The following LARGE2 variants were observed in gnomAD, a reference collection of about 807,000 sequenced individuals.
LARGE2 encodes LARGE xylosyl- and glucuronyltransferase 2, also known as xylosyl- and glucuronyltransferase LARGE2.
A neutral mutation model predicts 75.3 loss-of-function variants in LARGE2; 63 were observed. The observed-to-expected ratio is 0.84, with a 90% confidence interval of 0.68 to 1.03. LARGE2 has a LOEUF of 1.03. Ranked by LOEUF, LARGE2 falls within the 50% of genes least tolerant of loss-of-function variation. The probability of loss-of-function intolerance (pLI) is 0.00; values close to 1 mark genes in which losing one functional copy is unlikely to be tolerated. For missense variants in LARGE2, 925 were observed against 980.6 expected (o/e 0.94, Z 0.76); for synonymous variants, 428 against 420.1 (o/e 1.02, Z -0.23).
rs1426027064 is a variant in LARGE2 at position 45,928,704 on chromosome 11, C to T, written c.2025C>T (p.Arg675=). ...LPHAPSLDIS[R]FRSSPTYRDC... is the part of the protein sequence containing the mutation. ...ACGCTCCAAGCCTGGACATCTCCCG[C>T]TTCCGCTCCAGCCCCACCTATCGTG... Residue 675 remains arginine, a synonymous_variant, in exon 14 of 14, where the codon CGC becomes CGT. Transcript: ENST00000401752. 6.2e-7 allele frequency: 1 copy of T among 1,614,190 alleles called. No homozygotes were observed.
chr11:45,927,852 G>A, intron 11 of LARGE2, 68 bp from the exon 12 acceptor site: 1 of 1,603,408 alleles, frequency 6.2e-7, no homozygotes, highest in Non-Finnish European at 8.5e-7. Flanking sequence ...CTAATGCCCT[G>A]ATGAGTGTCA....
chr11:45,928,832 C>T lies in LARGE2; in HGVS notation c.2153C>T (p.Pro718Leu). 1 of 1,613,228 alleles carries T rather than the reference C, an allele frequency of 6.2e-7. No homozygotes were observed. Among genetic ancestry groups the T allele is most frequent in the Non-Finnish European group, 8.5e-7 (1 of 1,179,898 alleles). Residue 718 changes from proline to leucine, a missense_variant, in exon 14 of 14, where the codon CCT becomes CTT. Around this residue, in one of 3 missense-constraint regions of LARGE2, gnomAD observed 469 missense variants for 503.8 expected, o/e 0.93. Coordinates refer to ENST00000401752, the MANE Select transcript of LARGE2 (RefSeq NM_001300721.2). ...CCAGCCCTGCAGCAGCCCCAGAGCC[C>T]TGCCCGAGGCTGAGGCTGGGCCGGC... ...YLPALQQPQS[P>L]ARG
intron 3 of LARGE2, 96 bp from the exon 4 acceptor site, chr11:45,924,058 C>A: frequency 8.1e-7 from 1 of 1,238,920 alleles, no homozygotes; most frequent in Non-Finnish European, 1.1e-6. Flanking sequence ...AAGCTCTTTG[C>A]AGATGGCGCT....
At chr11:45,927,724 G>A (rs1228969778) in intron 11 of LARGE2, 131 bp downstream of exon 11, 2 of 1,457,906 alleles carry the variant, frequency 1.4e-6, no homozygotes, top group African/African-American at 2.8e-5. Context: ...GTTTGTATTA[G>A]GCTGTTTCTC....
intron 3 of LARGE2, 103 bp downstream of exon 3, chr11:45,923,658 G>A: frequency 9.6e-7 from 1 of 1,044,336 alleles, no homozygotes; most frequent in Non-Finnish European, 1.5e-6. Flanking sequence ...TGTGACGCGG[G>A]GACAGTGTCC....
At chr11:45,926,968 G>A in intron 10 of LARGE2, 97 bp downstream of exon 10, 2 of 1,256,492 alleles carry the variant, frequency 1.6e-6, no homozygotes, top group East Asian at 2.5e-5. Context: ...CTGTGGTAGT[G>A]AGCTACCTGT....
chr11:45,928,553 G>C (rs1297371332), intron 13 of LARGE2, 77 bp from the exon 14 acceptor site: 9 of 1,571,356 alleles, frequency 5.7e-6, no homozygotes, highest in Non-Finnish European at 7.8e-6. Flanking sequence ...TACAGGGTAA[G>C]CCTGTTCTCT....
chr11:45,928,758 C>G lies in LARGE2; in HGVS notation c.2079C>G (p.Phe693Leu). 1 of 1,614,126 alleles carries G rather than the reference C, an allele frequency of 6.2e-7. No individual in the cohort carries two copies. Among genetic ancestry groups the G allele is most frequent in the Non-Finnish European group, 8.5e-7 (1 of 1,180,044 alleles). Residue 693 changes from phenylalanine (F) to leucine (L), a missense_variant, in exon 14 of 14, where the codon TTC becomes TTG. Phe to Leu is a conservative substitution (Grantham distance 22). Around this residue, in one of 3 missense-constraint regions of LARGE2, gnomAD observed 469 missense variants for 503.8 expected, o/e 0.93. Transcript: ENST00000401752. ...RDCLQALKDE[F>L]HQDLSRHHGA... ...GCCTCCAGGCCCTCAAGGACGAATT[C>G]CACCAGGACTTGTCCCGCCACCATG...
chr11:45,923,072 A>G lies in LARGE2; in HGVS notation c.190A>G (p.Arg64Gly), dbSNP rs768184108. The G allele has an allele frequency of 7.1e-7, 1 of 1,414,282 alleles. No individual in the cohort carries two copies. The highest frequency in any genetic ancestry group is 1.5e-5 in the South Asian group (1 of 67,402). 87.6% of individuals were successfully genotyped at this position (1,414,282 alleles called of 1,614,324 possible). Reference sequence around the variant, plus strand: ...TGTCCCCCCAGACGGGAGGCTGCGGAGAGCCGCCGCCCTCGACGGAGACCC... The same window carrying G: ...TGTCCCCCCAGACGGGAGGCTGCGGGGAGCCGCCGCCCTCGACGGAGACCC... ...PRVPPDGRLRRAAALDGDPGA... is the reference protein window; with the variant it reads ...PRVPPDGRLRGAAALDGDPGA... The change falls in exon 2 of 14, where the codon AGA becomes GGA. Residue 64 changes from arginine to glycine, a missense_variant. Physicochemically the swap from Arg to Gly is moderately radical, Grantham distance 125. Coordinates refer to ENST00000401752, the MANE Select transcript of LARGE2 (RefSeq NM_001300721.2).
At chr11:45,926,186 G>A in intron 7 of LARGE2, 35 bp downstream of exon 7, 1 of 1,609,988 alleles carries the variant, frequency 6.2e-7, no homozygotes, top group Non-Finnish European at 8.5e-7. Flanking sequence ...GGTGTGGCAG[G>A]CTGGGGGCTG....
At chr11:45,924,322 C>T in intron 4 of LARGE2, 45 bp downstream of exon 4, 1 of 1,604,800 alleles carries the variant, frequency 6.2e-7, no homozygotes, top group Non-Finnish European at 8.5e-7. Context: ...GTGTCCACCG[C>T]TCTCCTCTCT....
intron 4 of LARGE2, 83 bp downstream of exon 4, chr11:45,924,360 AATC>A: frequency 6.3e-7 from 1 of 1,581,360 alleles, no homozygotes; most frequent in South Asian, 1.1e-5. Flanking sequence ...TGGAGAAGAG[AATC>A]ATCAGTCCCC....
chr11:45,925,541 A>G (rs915788455), intron 6 of LARGE2, among the ~76,000 whole-genome samples: 1 of 152,184 alleles, frequency 6.6e-6, no homozygotes, highest in African/African-American at 2.4e-5. Context: ...CTGTAATCCC[A>G]GCTACTTGGG....
In LARGE2 at chr11:45,924,503, C is replaced by T; in HGVS notation, c.493-3C>T. ...TCTCATCTCCTGCCTTTCCCCCACA[C>T]AGCCCCAGGTCTCCTGGATCCCCAA... On this transcript the variant is annotated splice_region_variant and splice_polypyrimidine_tract_variant and intron_variant, in intron 4 of 13. Coordinates refer to ENST00000401752, the MANE Select transcript of LARGE2 (RefSeq NM_001300721.2). The T allele has an allele frequency of 6.2e-7, 1 of 1,610,418 alleles. No homozygotes were observed. The highest frequency in any genetic ancestry group is 8.5e-7 in the Non-Finnish European group (1 of 1,177,992).
chr11:45,927,009 T>C (rs2087183702), intron 10 of LARGE2, 138 bp downstream of exon 10: 1 of 968,164 alleles, frequency 1.0e-6, no homozygotes. Context: ...TTGGAGACAT[T>C]GGATATGGTG....
rs773471960 is a variant in LARGE2, at chr11:45,926,063, G to A, written c.794G>A (p.Arg265Gln). 53 of 1,557,864 alleles carry A rather than the reference G, an allele frequency of 3.4e-5. No homozygotes were observed. Among genetic ancestry groups the A allele is most frequent in the Non-Finnish European group, 4.3e-5 (50 of 1,151,136 alleles). Residue 265 changes from arginine to glutamine, a missense_variant, in exon 7 of 14, where the codon CGG (arginine) becomes CAG (glutamine). Physicochemically the swap from Arg to Gln is conservative, Grantham distance 43. Coordinates refer to ENST00000401752, the MANE Select transcript of LARGE2 (RefSeq NM_001300721.2). ...GGTGTGATCCTGCTGCGGCTGGACC[G>A]GCTCCGGCAGGCTGGCTGGGAGCAG... ...NTGVILLRLD[R>Q]LRQAGWEQMW...
Position 45,927,906 on chromosome 11 carries a change from G to T in LARGE2, c.1605-14G>T. On this transcript the variant is annotated splice_polypyrimidine_tract_variant and intron_variant, in intron 11 of 13. Transcript: ENST00000401752. The stretch of plus-strand genomic sequence containing the variant: ...CCCCGCTCTTCTCCCCTGCTCATGG[G>T]TGCTCCTCCTCAGGGCCTCCATTGA... The T allele has an allele frequency of 6.2e-7, 1 of 1,612,172 alleles. No individual in the cohort carries two copies. The highest frequency in any genetic ancestry group is 8.5e-7 in the Non-Finnish European group (1 of 1,179,294).
chr11:45,925,739 CGGT>C (rs1305389032), intron 6 of LARGE2, among the ~76,000 whole-genome samples: 2 of 151,992 alleles, frequency 1.3e-5, no homozygotes, highest in African/African-American at 2.4e-5. Flanking sequence ...CCCAGCTACT[CGGT>C]GGGGGTTGTG....
In LARGE2 at chr11:45,927,858, T is replaced by C. The variant is rs768123578; in HGVS notation, c.1605-62T>C. 2.5e-6 allele frequency: 4 copies of C among 1,605,730 alleles called. No individual in the cohort carries two copies. In the South Asian group the frequency reaches 3.3e-5, roughly 13 times the overall value. On this transcript the variant is annotated intron_variant, in intron 11 of 13. Coordinates refer to ENST00000401752, the MANE Select transcript of LARGE2 (RefSeq NM_001300721.2). ...GTCCTGTGGCTAATGCCCTGATGAG[T>C]GTCACTGGCCCAGTCCTAGATGCCC...
Sources: allele counts gnomAD v4.1 joint callset (sites outside exome capture counted in the v4.1 genomes callset), GRCh38; gene constraint gnomAD v4.1.1; regional missense constraint gnomAD v4.1.1; transcripts MANE v1.5; gene names NCBI Gene and HGNC (gene_info 2026-07-23, HGNC 2026-07-21).